The following GALNT13 variants were observed in gnomAD, a reference collection of about 807,000 sequenced individuals.
GALNT13 encodes polypeptide N-acetylgalactosaminyltransferase 13, also known as UDP-GalNAc:polypeptide N-acetylgalactosaminyltransferase 13.
Under a neutral mutation model 64.2 loss-of-function variants are expected in GALNT13, and 28 were observed. The ratio of observed to expected loss-of-function variants is 0.44; its 90% CI spans 0.32 to 0.60. GALNT13 has a LOEUF of 0.60. Among genes scored for constraint, GALNT13 ranks in the 20% least tolerant of loss-of-function variants. The pLI, the probability that GALNT13 is intolerant of heterozygous loss-of-function variation, is 0.05. For synonymous variants in GALNT13, 214 were observed against 224.6 expected (o/e 0.95, Z 0.42); for missense variants, 577 against 669.8 (o/e 0.86, Z 1.53).
intron 3 of GALNT13, among the ~76,000 whole-genome samples, chr2:154,011,154 G>T (rs758575150): frequency 3.3e-5 from 5 of 151,834 alleles, no homozygotes; most frequent in Non-Finnish European, 5.9e-5. Flanking sequence ...TTGGTTTGCT[G>T]TTGTTTTTCC....
chr2:154,059,597 T>G (rs1328260539), intron 3 of GALNT13, among the ~76,000 whole-genome samples: 1 of 152,194 alleles, frequency 6.6e-6, no homozygotes, highest in Non-Finnish European at 1.5e-5. Flanking sequence ...TTAAATTAGT[T>G]TCATCCATTT....
the GALNT13 span, among the ~76,000 whole-genome samples, chr2:153,188,821 T>C: frequency 2.0e-5 from 3 of 152,136 alleles, no homozygotes; most frequent in African/African-American, 7.2e-5. Flanking sequence ...ATTTCTTATA[T>C]GCAAGAAAAA....
the GALNT13 span, among the ~76,000 whole-genome samples, chr2:153,645,815 C>A: frequency 6.6e-6 from 1 of 151,956 alleles, no homozygotes; most frequent in South Asian, 2.1e-4. Flanking sequence ...TTTTTTATTT[C>A]CCAGCCAACA....
At chr2:153,923,968 C>A (rs1313853208) in intron 2 of GALNT13, among the ~76,000 whole-genome samples, 4 of 151,972 alleles carry the variant, frequency 2.6e-5, no homozygotes, top group Admixed American at 2.0e-4. Flanking sequence ...GGTTCCAAGT[C>A]TTTGCTATTG....
the GALNT13 span, among the ~76,000 whole-genome samples, chr2:153,649,927 A>G: frequency 3.0e-3 from 461 of 152,304 alleles, 3 homozygotes; most frequent in African/African-American, 0.01. Flanking sequence ...AGTGTTGAAA[A>G]GAATGTATAT....
At chr2:153,608,693 A>C in the GALNT13 span, among the ~76,000 whole-genome samples, 12 of 147,906 alleles carry the variant, frequency 8.1e-5, no homozygotes, top group East Asian at 9.8e-4. Context: ...ATATATTTAT[A>C]AAATATATTC....
At chr2:153,409,568 G>A in the GALNT13 span, among the ~76,000 whole-genome samples, 1 of 151,880 alleles carries the variant, frequency 6.6e-6, no homozygotes, top group Non-Finnish European at 1.5e-5. Context: ...AGTAAATTTA[G>A]AGAAATTCAG....
At chr2:153,367,012 C>CAA in the GALNT13 span, among the ~76,000 whole-genome samples, 16 of 47,434 alleles carry the variant, frequency 3.4e-4, no homozygotes, top group African/African-American at 1.2e-3. Context: ...AGCAAACAAA[C>CAA]AAACAAAAAA....
intron 8 of GALNT13, among the ~76,000 whole-genome samples, chr2:154,290,091 A>G (rs184870600): frequency 1.3e-5 from 2 of 152,316 alleles, no homozygotes; most frequent in African/African-American, 2.4e-5. Context: ...ATGCATGCAC[A>G]AGCTACTCCC....
the GALNT13 span, among the ~76,000 whole-genome samples, chr2:153,242,151 A>ATTGAGAT: frequency 6.6e-6 from 1 of 152,152 alleles, no homozygotes; most frequent in African/African-American, 2.4e-5. Context: ...AAGCAATAGA[A>ATTGAGAT]ACTGCTCAAT....
chr2:153,987,002 G>GT (rs1553463043), intron 3 of GALNT13, among the ~76,000 whole-genome samples: 2 of 151,978 alleles, frequency 1.3e-5, no homozygotes, highest in Non-Finnish European at 2.9e-5. Flanking sequence ...TAAGAGAAGC[G>GT]TAAGAGCCAG....
At chr2:153,903,580 G>A (rs1574079229) in intron 2 of GALNT13, among the ~76,000 whole-genome samples, 3 of 151,990 alleles carry the variant, frequency 2.0e-5, no homozygotes, top group Admixed American at 2.0e-4. Flanking sequence ...TGCTCTCTGT[G>A]CGTCAGCCTC....
chr2:153,374,647 AGACT>A, the GALNT13 span, among the ~76,000 whole-genome samples: 1 of 152,082 alleles, frequency 6.6e-6, no homozygotes, highest in African/African-American at 2.4e-5. Context: ...AATGAACCCT[AGACT>A]GACTGATAGA....
the GALNT13 span, among the ~76,000 whole-genome samples, chr2:153,177,145 T>TG: frequency 9.2e-5 from 14 of 152,078 alleles, no homozygotes; most frequent in East Asian, 1.9e-4. Flanking sequence ...ATGCAAAACA[T>TG]GGAGTAAAAT....
At chr2:153,435,749 G>A in the GALNT13 span, among the ~76,000 whole-genome samples, 129 of 152,216 alleles carry the variant, frequency 8.5e-4, 1 homozygote, top group African/African-American at 3.0e-3. Context: ...GGGTTTTCTA[G>A]ATACACAGTC....
At chr2:154,049,446 GATATAT>G (rs35501666) in intron 3 of GALNT13, among the ~76,000 whole-genome samples, 1 of 145,284 alleles carries the variant, frequency 6.9e-6, no homozygotes, top group African/African-American at 2.5e-5. Context: ...TATTCATTGT[GATATAT>G]ATATATAATG....
At chr2:154,239,008 G>A (rs1051266869) in intron 4 of GALNT13, among the ~76,000 whole-genome samples, 1 of 151,916 alleles carries the variant, frequency 6.6e-6, no homozygotes, top group African/African-American at 2.4e-5. Context: ...AGGAAGAAGA[G>A]GAAGAATTAA....
the GALNT13 span, chr2:153,761,781 G>A: frequency 2.6e-5 from 4 of 153,248 alleles, no homozygotes; most frequent in Non-Finnish European, 4.4e-5. Flanking sequence ...CTGGGTGAGA[G>A]GTGATGACTA....
At chr2:153,635,790 A>C in the GALNT13 span, among the ~76,000 whole-genome samples, 1 of 152,166 alleles carries the variant, frequency 6.6e-6, no homozygotes, top group Non-Finnish European at 1.5e-5. Context: ...TAAGTCAGTA[A>C]ACTTCAAAGA....
Sources: allele counts gnomAD v4.1 joint callset (sites outside exome capture counted in the v4.1 genomes callset), GRCh38; gene constraint gnomAD v4.1.1; transcripts MANE v1.5; gene names NCBI Gene and HGNC (gene_info 2026-07-23, HGNC 2026-07-21).